SMIM35: variants seen among roughly 807,000 people sequenced by gnomAD.
The protein encoded by SMIM35 is small integral membrane protein 35, also known as TMPRSS4 antisense RNA 1 (non-protein coding).
chr11:118,036,851 G>A (rs1359168518), intron 1 of SMIM35, among the ~76,000 whole-genome samples: 2 of 152,214 alleles, frequency 1.3e-5, no homozygotes, highest in Admixed American at 1.3e-4. Context: ...CCCAAAGAAG[G>A]TAGCCATTGC....
intron 1 of SMIM35, among the ~76,000 whole-genome samples, chr11:118,079,092 AGGTCAGGCCTGG>A (rs1944924959): frequency 6.6e-6 from 1 of 151,924 alleles, no homozygotes; most frequent in Admixed American, 6.6e-5. Flanking sequence ...TGGAGGGGTC[AGGTCAGGCCTGG>A]GGCCCCAAAG....
chr11:118,031,915 A>G (rs1276608242), intron 1 of SMIM35: 2 of 151,806 alleles, frequency 1.3e-5, no homozygotes, highest in Admixed American at 6.6e-5. Flanking sequence ...AGACAGGAGG[A>G]TCTCTTGAGG....
At chr11:118,063,615 A>G (rs1944425847) in intron 1 of SMIM35, among the ~76,000 whole-genome samples, 2 of 152,222 alleles carry the variant, frequency 1.3e-5, no homozygotes, top group African/African-American at 4.8e-5. Flanking sequence ...TGATCACCAG[A>G]AAGCCCAAGG....
chr11:118,074,668 G>A (rs1463389165), intron 1 of SMIM35, among the ~76,000 whole-genome samples: 1 of 151,620 alleles, frequency 6.6e-6, no homozygotes, highest in Non-Finnish European at 1.5e-5. Flanking sequence ...AATCCCTTGA[G>A]CTCAGGAGGT....
At chr11:118,025,122 G>C (rs2058264513) in intron 1 of SMIM35, among the ~76,000 whole-genome samples, 1 of 152,192 alleles carries the variant, frequency 6.6e-6, no homozygotes, top group Non-Finnish European at 1.5e-5. Flanking sequence ...TGGCTGTGTA[G>C]TATTTCATGG....
At chr11:118,026,339 G>T (rs1300050619) in intron 1 of SMIM35, among the ~76,000 whole-genome samples, 2 of 152,078 alleles carry the variant, frequency 1.3e-5, no homozygotes, top group Non-Finnish European at 1.5e-5. Flanking sequence ...TTTCTCTCCT[G>T]GTCAATGCCT....
intron 1 of SMIM35, among the ~76,000 whole-genome samples, chr11:118,079,655 G>C (rs1944977769): frequency 6.6e-6 from 1 of 152,192 alleles, no homozygotes; most frequent in Non-Finnish European, 1.5e-5. Flanking sequence ...GACGCTTCCG[G>C]CTGCTCTGGA....
At chr11:118,020,039 G>C (rs11826646) in intron 1 of SMIM35, among the ~76,000 whole-genome samples, 29,666 of 152,092 alleles carry the variant, frequency 0.2, 4,459 homozygotes, top group African/African-American at 0.42. Context: ...AAGGTTGTCG[G>C]ATCAACTGAG....
rs1486625794 is a variant in SMIM35 at position 118,005,845 on chromosome 11, G to A, written c.*565C>T. The A allele has an allele frequency of 1.3e-5, 2 of 152,382 alleles. No individual in the cohort carries two copies. The highest frequency in any genetic ancestry group is 4.8e-5 in the African/African-American group (2 of 41,468). The allele number at this position is 152,382 out of a possible 1,614,324, so 9.4% of individuals were successfully genotyped here. ...CGCAGTCCTCCTGATGCAGTGCACAGAGCTGCATGGGCTCCCCCAGAACTG... is the reference window on the plus strand; with the variant it reads ...CGCAGTCCTCCTGATGCAGTGCACAAAGCTGCATGGGCTCCCCCAGAACTG... On this transcript the variant is annotated 3_prime_UTR_variant, in exon 5 of 5. Transcript: ENST00000689828.
intron 1 of SMIM35, among the ~76,000 whole-genome samples, chr11:118,080,015 C>T (rs1565405543): frequency 6.6e-6 from 1 of 152,162 alleles, no homozygotes; most frequent in Non-Finnish European, 1.5e-5. Flanking sequence ...TCCCCCCCCA[C>T]CAAAAGAAGC....
chr11:118,033,997 G>A (rs79776831), intron 1 of SMIM35, among the ~76,000 whole-genome samples: 1,675 of 152,298 alleles, frequency 0.011, 25 homozygotes, highest in African/African-American at 0.039. Flanking sequence ...GCCAGGCGCA[G>A]TGTCTCACTC....
intron 1 of SMIM35, among the ~76,000 whole-genome samples, chr11:118,033,234 T>C (rs370661463): frequency 1.4e-4 from 21 of 152,314 alleles, no homozygotes; most frequent in Middle Eastern, 3.4e-3. Context: ...CTAGAACACA[T>C]AGACAGACTT....
At chr11:118,036,548 G>A (rs1037843073) in intron 1 of SMIM35, among the ~76,000 whole-genome samples, 5 of 152,226 alleles carry the variant, frequency 3.3e-5, no homozygotes, top group Admixed American at 3.3e-4. Flanking sequence ...CGTGCTGCCA[G>A]CACAGGGCTG....
At chr11:118,050,868 C>A (rs1944202244) in intron 1 of SMIM35, among the ~76,000 whole-genome samples, 1 of 152,206 alleles carries the variant, frequency 6.6e-6, no homozygotes, top group Admixed American at 6.5e-5. Flanking sequence ...GACTTCCAAA[C>A]CTTTGAGCAT....
chr11:118,030,061 G>A (rs1174253838), intron 1 of SMIM35, among the ~76,000 whole-genome samples: 1 of 151,568 alleles, frequency 6.6e-6, no homozygotes, highest in Non-Finnish European at 1.5e-5. Flanking sequence ...TTGAGACAAT[G>A]TCTCACTCTG....
chr11:118,041,988 T>C (rs995786885), intron 1 of SMIM35, among the ~76,000 whole-genome samples: 1 of 146,964 alleles, frequency 6.8e-6, no homozygotes, highest in African/African-American at 2.5e-5. Flanking sequence ...GAGGTGGAGG[T>C]TGCAGTGAGC....
chr11:118,079,824 G>A (rs185819583), intron 1 of SMIM35, among the ~76,000 whole-genome samples: 156 of 152,340 alleles, frequency 1.0e-3, no homozygotes, highest in Middle Eastern at 3.4e-3. Flanking sequence ...CCTGACTGGG[G>A]CACAGAATCC....
chr11:118,023,356 A>ATTT (rs1157915232), intron 1 of SMIM35, among the ~76,000 whole-genome samples: 1 of 151,710 alleles, frequency 6.6e-6, no homozygotes, highest in Non-Finnish European at 1.5e-5. Context: ...CTTTTTTTCT[A>ATTT]TTTTATTATT....
intron 1 of SMIM35, among the ~76,000 whole-genome samples, chr11:118,085,761 T>C (rs1945503659): frequency 6.6e-6 from 1 of 152,084 alleles, no homozygotes; most frequent in South Asian, 2.1e-4. Context: ...CTTCTGGCCC[T>C]CTCGAGTCCC....
Sources: allele counts gnomAD v4.1 joint callset (sites outside exome capture counted in the v4.1 genomes callset), GRCh38; gene constraint gnomAD v4.1.1; transcripts MANE v1.5; gene names NCBI Gene and HGNC (gene_info 2026-07-23, HGNC 2026-07-21).